Variants in KATNIP observed in about 807,000 individuals in gnomAD.
KATNIP encodes the protein katanin interacting protein, also known as katanin-interacting protein.
A neutral mutation model predicts 174.0 loss-of-function variants in KATNIP; 126 were observed. The observed-to-expected ratio is 0.72, with a 90% CI of 0.63 to 0.84. KATNIP has a LOEUF of 0.84. KATNIP is among the 40% of genes least tolerant of loss of function. The pLI is 0.00. For synonymous variants in KATNIP, 810 were observed against 835.7 expected (o/e 0.97, Z 0.53); for missense variants, 1,958 against 2,109.7 (o/e 0.93, Z 1.41).
intron 8 of KATNIP, among the ~76,000 whole-genome samples, chr16:27,687,895 T>G (rs1027952333): frequency 1.3e-5 from 2 of 152,170 alleles, no homozygotes; most frequent in Non-Finnish European, 2.9e-5. Context: ...CAGAGACTCT[T>G]AATATATTAG....
intron 6 of KATNIP, among the ~76,000 whole-genome samples, chr16:27,651,990 G>T (rs2077134592): frequency 6.6e-6 from 1 of 152,178 alleles, no homozygotes; most frequent in African/African-American, 2.4e-5. Flanking sequence ...AAAGTGCTGG[G>T]ATTACAGGCG....
rs755627901 is a variant in KATNIP at position 27,761,635 on chromosome 16, G to A, written c.3809+45G>A. 3.3e-6 allele frequency: 5 copies of A among 1,533,606 alleles called. No homozygotes were observed. In the Middle Eastern group the frequency reaches 8.4e-4, roughly 259 times the overall value. 95.0% of individuals were successfully genotyped at this position (1,533,606 alleles called of 1,614,324 possible). ...TTTACTTTCATGCCCACTGGGTTTT[G>A]GGGACATTGTTCTGCCTCTGAGACT... On this transcript the variant is annotated intron_variant, in intron 19 of 27. Transcript: ENST00000261588.
intron 14 of KATNIP, 103 bp from the exon 15 acceptor site, chr16:27,739,938 C>T (rs2081037339): frequency 1.6e-6 from 2 of 1,282,692 alleles, no homozygotes; most frequent in Admixed American, 2.3e-5. Flanking sequence ...GCATTTCTAG[C>T]ATTTCACATT....
At chr16:27,694,865 G>C (rs149299669) in intron 8 of KATNIP, among the ~76,000 whole-genome samples, 2 of 151,934 alleles carry the variant, frequency 1.3e-5, no homozygotes, top group African/African-American at 2.4e-5. Context: ...GGATTCCTGC[G>C]TGCACAGGTC....
At chr16:27,673,587 G>T (rs1387921850) in intron 6 of KATNIP, among the ~76,000 whole-genome samples, 1 of 152,086 alleles carries the variant, frequency 6.6e-6, no homozygotes, top group African/African-American at 2.4e-5. Flanking sequence ...TTGTTGTGGG[G>T]CTGTCCTGGA....
intron 6 of KATNIP, among the ~76,000 whole-genome samples, chr16:27,659,387 C>T (rs1377447884): frequency 6.6e-6 from 1 of 151,826 alleles, no homozygotes; most frequent in African/African-American, 2.4e-5. Context: ...ATCTGCACCT[C>T]TAGTCCCAGC....
intron 14 of KATNIP, among the ~76,000 whole-genome samples, chr16:27,724,924 G>A (rs929075805): frequency 6.6e-6 from 1 of 152,198 alleles, no homozygotes; most frequent in Non-Finnish European, 1.5e-5. Flanking sequence ...CTAGAAAAAG[G>A]GGAGTCTCTT....
At chr16:27,702,174 C>T (rs2079126615) in intron 11 of KATNIP, among the ~76,000 whole-genome samples, 1 of 152,180 alleles carries the variant, frequency 6.6e-6, no homozygotes, top group East Asian at 1.9e-4. Context: ...AGGCATATGG[C>T]TCTTATCTTG....
intron 8 of KATNIP, among the ~76,000 whole-genome samples, chr16:27,684,254 T>C (rs2078446349): frequency 6.6e-6 from 1 of 152,174 alleles, no homozygotes; most frequent in Non-Finnish European, 1.5e-5. Flanking sequence ...GGTTAAGGAA[T>C]CTGTCCAAGA....
At chr16:27,586,867 A>G (rs1395963144) in intron 2 of KATNIP, among the ~76,000 whole-genome samples, 4 of 151,558 alleles carry the variant, frequency 2.6e-5, no homozygotes, top group African/African-American at 9.7e-5. Context: ...CAGAAACTGA[A>G]ATAAGTATAA....
intron 3 of KATNIP, among the ~76,000 whole-genome samples, chr16:27,620,787 A>G (rs2142079891): frequency 6.6e-6 from 1 of 152,326 alleles, no homozygotes; most frequent in South Asian, 2.1e-4. Flanking sequence ...TCTGCCTAGA[A>G]CACAGCTTCC....
chr16:27,659,726 GA>G (rs2077410224), intron 6 of KATNIP, among the ~76,000 whole-genome samples: 1 of 152,084 alleles, frequency 6.6e-6, no homozygotes, highest in South Asian at 2.1e-4. Context: ...GGTATGACTT[GA>G]AAAAATATGC....
chr16:27,596,142 A>T (rs1312027427), intron 2 of KATNIP, among the ~76,000 whole-genome samples: 1 of 151,808 alleles, frequency 6.6e-6, no homozygotes, highest in African/African-American at 2.4e-5. Context: ...CCATGTGGGG[A>T]GAATGACCAC....
intron 6 of KATNIP, among the ~76,000 whole-genome samples, chr16:27,662,618 T>TGTAGTGATCCCATCCCTCA (rs1218823875): frequency 1.3e-5 from 2 of 152,184 alleles, no homozygotes; most frequent in African/African-American, 4.8e-5. Context: ...AAGTAAGAGA[T>TGTAGTGATCCCATCCCTCA]GTAGTGATCC....
intron 12 of KATNIP, among the ~76,000 whole-genome samples, chr16:27,706,174 C>T (rs532761454): frequency 6.6e-6 from 1 of 152,274 alleles, no homozygotes; most frequent in East Asian, 1.9e-4. Flanking sequence ...GAGCTCAGTC[C>T]CATCTCTGCT....
At chr16:27,768,186 G>A (rs995228030) in intron 20 of KATNIP, among the ~76,000 whole-genome samples, 11 of 152,190 alleles carry the variant, frequency 7.2e-5, no homozygotes, top group African/African-American at 1.9e-4. Flanking sequence ...AGGCCTTCCC[G>A]AGCACCAGGG....
chr16:27,566,787 C>T (rs2090106763), intron 1 of KATNIP, among the ~76,000 whole-genome samples: 1 of 152,196 alleles, frequency 6.6e-6, no homozygotes, highest in South Asian at 2.1e-4. Flanking sequence ...ATCCCAAGAG[C>T]TATCACCCGG....
rs150951743 is a variant in KATNIP, at chr16:27,687,052, A to G, written c.940+5522A>G. 2.6e-5 allele frequency: 4 copies of G among 152,174 alleles called. No individual in the cohort carries two copies. In the East Asian group the frequency reaches 7.7e-4, roughly 29 times the overall value. The allele number at this position is 152,174 out of a possible 1,614,324, so 9.4% of individuals were successfully genotyped here. A position where few individuals can be genotyped will look rare whatever the true frequency, so the allele number is the denominator to read the frequency against. On this transcript the variant is annotated intron_variant, in intron 8 of 27. Transcript: ENST00000261588. ...TAATTTGGATTCGCCCACATTGTTA[A>G]CCTTTCTGTGCCCTTCACTCCTGGC...
At chr16:27,740,981 A>T in intron 15 of KATNIP, 61 bp downstream of exon 15, 1 of 1,378,786 alleles carries the variant, frequency 7.3e-7, no homozygotes. Context: ...AATTGGCATG[A>T]AGCCAGTTAG....
Sources: allele counts gnomAD v4.1 joint callset (sites outside exome capture counted in the v4.1 genomes callset), GRCh38; gene constraint gnomAD v4.1.1; transcripts MANE v1.5; gene names NCBI Gene and HGNC (gene_info 2026-07-23, HGNC 2026-07-21).